Variants in BCL6B observed in about 807,000 individuals in gnomAD.
The protein encoded by BCL6B is B-cell CLL/lymphoma 6 member B protein.
A neutral mutation model predicts 44.6 loss-of-function variants in BCL6B; 28 were observed. The observed-to-expected ratio is 0.63, with a 90% CI of 0.47 to 0.86. BCL6B has a LOEUF of 0.86. Ranked by LOEUF, BCL6B falls within the 40% of genes least tolerant of loss-of-function variation. The probability of loss-of-function intolerance (pLI) is 0.00; values close to 1 mark genes in which losing one functional copy is unlikely to be tolerated. For synonymous variants in BCL6B, 268 were observed against 263.6 expected (o/e 1.02, Z -0.16); for missense variants, 626 against 652.3 (o/e 0.96, Z 0.44).
In BCL6B at chr17:7,024,318, G is replaced by T; in HGVS notation, c.401+14G>T. On this transcript the variant is annotated intron_variant, in intron 3 of 8. Transcript: ENST00000293805. The surrounding 1 kb of genome is among the most constrained non-coding windows in gnomAD (Gnocchi z 6.6). ...CATCCAGGCCAGGTGAGGGACCCTG[G>T]CTCGGCGTTCTCTGTGGGTGAGGTG... 1 of 1,613,696 alleles carries T rather than the reference G, an allele frequency of 6.2e-7. No homozygotes were observed. The highest frequency in any genetic ancestry group is 8.5e-7 in the Non-Finnish European group (1 of 1,180,002).
At position 7,027,837 on chromosome 17, in the gene BCL6B, A is replaced by T; in HGVS notation, c.*218A>T. Reference sequence around the variant, plus strand: ...TCAAAACCTCTTCCCCACAAGCCAGATTGTTTCTGAGGAGAGAGCTAGCTA... The same window carrying T: ...TCAAAACCTCTTCCCCACAAGCCAGTTTGTTTCTGAGGAGAGAGCTAGCTA... On this transcript the variant is annotated 3_prime_UTR_variant, in exon 9 of 9. Transcript: ENST00000293805. The T allele has an allele frequency of 1.4e-6, 2 of 1,408,266 alleles. No individual in the cohort carries two copies. The highest frequency in any genetic ancestry group is 9.2e-7 in the Non-Finnish European group (1 of 1,083,644). The allele number at this position is 1,408,266 out of a possible 1,614,324, so 87.2% of individuals were successfully genotyped here. A position where few individuals can be genotyped will look rare whatever the true frequency, so the allele number is the denominator to read the frequency against.
At chr17:7,026,166 C>T (rs1360313307) in intron 5 of BCL6B, among the ~76,000 whole-genome samples, 2 of 152,106 alleles carry the variant, frequency 1.3e-5, no homozygotes, top group African/African-American at 2.4e-5. Context: ...GTGATCCGAC[C>T]GCCTCGGCCT....
At position 7,027,048 on chromosome 17, in the gene BCL6B, G is replaced by A. The variant is rs1910316436; in HGVS notation, c.1284G>A (p.Lys428=). Residue 428 remains lysine (K), a synonymous_variant, in exon 8 of 9, where the codon AAG becomes AAA. Transcript: ENST00000293805. ...GCTTCCGCCACCTGCAGACCCTCAA[G>A]AGCCACGTTCGCATCCACACCGGAG... The part of the protein sequence containing the change: ...GTRFRHLQTL[K]SHVRIHTGEK... 6.2e-7 allele frequency: 1 copy of A among 1,613,970 alleles called. No individual in the cohort carries two copies. Among genetic ancestry groups the A allele is most frequent in the Non-Finnish European group, 8.5e-7 (1 of 1,179,998 alleles).
Position 7,028,952 on chromosome 17 carries a change from T to C in BCL6B, c.*1333T>C. On this transcript the variant is annotated 3_prime_UTR_variant, in exon 9 of 9. Transcript: ENST00000293805. ...TTCCTCTAGAAGGGATGGTGCTTGG[T>C]AACCTTACCTTTTAAAAGCTGGGTC... is the stretch of plus-strand genomic sequence containing the variant. The C allele has an allele frequency of 1.0e-6, 1 of 985,454 alleles. No homozygotes were observed. Among genetic ancestry groups the C allele is most frequent in the Non-Finnish European group, 1.2e-6 (1 of 829,934 alleles). 61.0% of individuals were successfully genotyped at this position (985,454 alleles called of 1,614,324 possible).
Position 7,024,453 on chromosome 17 carries a change from C to A in BCL6B, c.454C>A (p.Pro152Thr). 3.7e-6 allele frequency: 6 copies of A among 1,613,398 alleles called. No individual in the cohort carries two copies. Among genetic ancestry groups the A allele is most frequent in the Middle Eastern group, 1.7e-4 (1 of 6,058 alleles). ...LRPLEAEPPT[P>T]PTAPPPGSPR... ...CCCCCTGGAAGCAGAACCCCCAACA[C>A]CCCCAACGGCCCCTCCACCAGGTAG... Residue 152 changes from proline to threonine, a missense_variant, in exon 4 of 9, where the codon CCC becomes ACC. By Grantham distance (38) the Pro-to-Thr change is conservative (BLOSUM62 -1). Coordinates refer to ENST00000293805, the MANE Select transcript of BCL6B (RefSeq NM_181844.4). This position sits in a 1 kb window ranked among gnomAD's most constrained non-coding sequence, Gnocchi z 6.6.
chr17:7,027,126 A>G (rs1910319535), intron 8 of BCL6B, 39 bp downstream of exon 8: 4 of 1,610,220 alleles, frequency 2.5e-6, no homozygotes, highest in Middle Eastern at 1.7e-4. Flanking sequence ...CCTTAGAATT[A>G]CCTCTCCTTT....
intron 5 of BCL6B, among the ~76,000 whole-genome samples, chr17:7,026,017 G>A (rs184232531): frequency 6.6e-6 from 1 of 152,114 alleles, no homozygotes; most frequent in South Asian, 2.1e-4. Flanking sequence ...CACATCCCAG[G>A]TTCAAGCGAT....
At position 7,024,742 on chromosome 17, in the gene BCL6B, C is replaced by A; in HGVS notation, c.743C>A (p.Pro248His). 1 of 1,611,482 alleles carries A rather than the reference C, an allele frequency of 6.2e-7. No individual in the cohort carries two copies. The highest frequency in any genetic ancestry group is 8.5e-7 in the Non-Finnish European group (1 of 1,179,300). The change falls in exon 4 of 9, where the codon CCC becomes CAC. Residue 248 changes from proline (P) to histidine (H), a missense_variant. Physicochemically the swap from Pro to His is moderately conservative, Grantham distance 77 (BLOSUM62 -2). Coordinates refer to ENST00000293805, the MANE Select transcript of BCL6B (RefSeq NM_181844.4). The surrounding 1 kb of genome is among the most constrained non-coding windows in gnomAD (Gnocchi z 6.6). ...SSSSSSSEEGPIPGPQSRLSP... is the reference protein window; with the variant it reads ...SSSSSSSEEGHIPGPQSRLSP... ...AGCAGCAGCAGCAGTGAAGAAGGAC[C>A]CATTCCTGGTCCCCAGAGCAGGTAC...
Position 7,027,087 on chromosome 17 carries a change from C to T in BCL6B, c.1323C>T (p.His441=), listed in dbSNP as rs769111877. ...TCCACACCGGAGAGAAGCCTTACCA[C>T]GTGGGTACCCAACCTGGCCTGCCCA... The part of the protein sequence containing the change: ...VRIHTGEKPY[H]CDPCGLHFRH... Residue 441 remains histidine, a splice_region_variant and synonymous_variant, in exon 8 of 9, where the codon CAC becomes CAT. Transcript: ENST00000293805. 3.1e-6 allele frequency: 5 copies of T among 1,613,868 alleles called. No homozygotes were observed. Among genetic ancestry groups the T allele is most frequent in the South Asian group, 1.1e-5 (1 of 91,082 alleles).
In BCL6B at chr17:7,024,395, C is replaced by A; in HGVS notation, c.402-6C>A. 2 of 1,612,362 alleles carry A rather than the reference C, an allele frequency of 1.2e-6. No homozygotes were observed. The highest frequency in any genetic ancestry group is 1.7e-5 in the Admixed American group (1 of 59,930). ...ATGGCACTAACGTTCATCACACTTTCCCCAGCTATGAACCTCTGGGCATCT... is the reference window on the plus strand; with the variant it reads ...ATGGCACTAACGTTCATCACACTTTACCCAGCTATGAACCTCTGGGCATCT... On this transcript the variant is annotated splice_region_variant and splice_polypyrimidine_tract_variant and intron_variant, in intron 3 of 8. Transcript: ENST00000293805. The surrounding 1 kb of genome is among the most constrained non-coding windows in gnomAD (Gnocchi z 6.6).
chr17:7,026,561 C>T lies in BCL6B; in HGVS notation c.994C>T (p.Leu332=). 2.5e-6 allele frequency: 4 copies of T among 1,614,218 alleles called. No homozygotes were observed. Among genetic ancestry groups the T allele is most frequent in the Non-Finnish European group, 2.5e-6 (3 of 1,180,030 alleles). Residue 332 remains leucine, a synonymous_variant, in exon 6 of 9, where the codon CTG becomes TTG. Coordinates refer to ENST00000293805, the MANE Select transcript of BCL6B (RefSeq NM_181844.4). Reference sequence around the variant, plus strand: ...CGAAGACAAACCCTATAAGTGTCAGCTGTGCCGGTCTTCGTTCCGCTACAA... The same window carrying T: ...CGAAGACAAACCCTATAAGTGTCAGTTGTGCCGGTCTTCGTTCCGCTACAA... ...GDEDKPYKCQ[L]CRSSFRYKGN...
In BCL6B at chr17:7,024,706, G is replaced by GCAC. The variant is rs2151663337; in HGVS notation, c.709_710insCCA (p.Ser236_Ser237insThr). Reference sequence around the variant, plus strand: ...CCCAGTGGAGACGAGGCCTCCAGCAGCAGCAGCAGCAGCAGCAGCAGCAGT... The same window carrying GCAC: ...CCCAGTGGAGACGAGGCCTCCAGCAGCACCAGCAGCAGCAGCAGCAGCAGCAGT... On this transcript the variant is annotated inframe_insertion, in exon 4 of 9. Transcript: ENST00000293805. This position sits in a 1 kb window ranked among gnomAD's most constrained non-coding sequence, Gnocchi z 6.6. The GCAC allele has an allele frequency of 6.3e-7, 1 of 1,594,240 alleles. No homozygotes were observed. Among genetic ancestry groups the GCAC allele is most frequent in the East Asian group, 2.2e-5 (1 of 44,676 alleles).
At chr17:7,023,456 C>T (rs1910183681) in intron 1 of BCL6B, 2 of 571,374 alleles carry the variant, frequency 3.5e-6, no homozygotes, top group East Asian at 6.1e-5. Context: ...TGGCTCCAAG[C>T]GCTGTGGGAT....
rs751932175 is a variant in BCL6B, at chr17:7,024,299, G to C, written c.396G>C (p.Gln132His). Reference protein sequence around the residue: ...HVVQACHRFIQASYEPLGISL... With the variant: ...HVVQACHRFIHASYEPLGISL... ...TCCAGGCATGCCACCGCTTCATCCAGGCCAGGTGAGGGACCCTGGCTCGGC... is the reference window on the plus strand; with the variant it reads ...TCCAGGCATGCCACCGCTTCATCCACGCCAGGTGAGGGACCCTGGCTCGGC... The change falls in exon 3 of 9, where the codon CAG (glutamine) becomes CAC (histidine). Residue 132 changes from glutamine to histidine, a missense_variant. Coordinates refer to ENST00000293805, the MANE Select transcript of BCL6B (RefSeq NM_181844.4). The surrounding 1 kb of genome is among the most constrained non-coding windows in gnomAD (Gnocchi z 6.6). 3 of 1,613,758 alleles carry C rather than the reference G, an allele frequency of 1.9e-6. No homozygotes were observed. The highest frequency in any genetic ancestry group is 2.5e-6 in the Non-Finnish European group (3 of 1,180,022).
At position 7,023,992 on chromosome 17, in the gene BCL6B, CGG is replaced by C. The variant is rs1041441302; in HGVS notation, c.180-89_180-88del. 5 of 1,527,894 alleles carry C rather than the reference CGG, an allele frequency of 3.3e-6. No individual in the cohort carries two copies. The African/African-American group carries it at 6.9e-5, about 21-fold the overall frequency. The allele number at this position is 1,527,894 out of a possible 1,614,324, so 94.6% of individuals were successfully genotyped here. A position where few individuals can be genotyped will look rare whatever the true frequency, so the allele number is the denominator to read the frequency against. On this transcript the variant is annotated intron_variant, in intron 2 of 8. Coordinates refer to ENST00000293805, the MANE Select transcript of BCL6B (RefSeq NM_181844.4). Reference sequence around the variant, plus strand: ...TGGGGGCGGGGTGATAGTGAGGAGGCGGGACTTTTTCAGGGGGCGGGGCTTCC... The same window carrying C: ...TGGGGGCGGGGTGATAGTGAGGAGGCGACTTTTTCAGGGGGCGGGGCTTCC...
intron 5 of BCL6B, 114 bp from the exon 6 acceptor site, chr17:7,026,343 C>G (rs1255006204): frequency 3.6e-6 from 5 of 1,394,232 alleles, no homozygotes; most frequent in Non-Finnish European, 4.9e-6. Context: ...CCCCAGAAGT[C>G]TTAACAATAA....
chr17:7,023,939 A>G (rs1910200729), intron 2 of BCL6B, 89 bp downstream of exon 2: 5 of 1,549,676 alleles, frequency 3.2e-6, no homozygotes, highest in Middle Eastern at 2.2e-4. Flanking sequence ...CAAGTCTTTC[A>G]GAAGCAGGAG....
In BCL6B at chr17:7,023,836, T is replaced by A; in HGVS notation, c.165T>A (p.Val55=). ...AACCCCTCAGAGCACACAAGGCAGT[T>A]CTCATCGCCTGCAGGTTCGAGGGGT... ...GGQPLRAHKA[V]LIACSGFFYS... The change falls in exon 2 of 9, where the codon GTT becomes GTA. Residue 55 remains valine (V), a synonymous_variant. Coordinates refer to ENST00000293805, the MANE Select transcript of BCL6B (RefSeq NM_181844.4). The A allele has an allele frequency of 6.2e-7, 1 of 1,600,008 alleles. No homozygotes were observed. The highest frequency in any genetic ancestry group is 8.5e-7 in the Non-Finnish European group (1 of 1,173,114).
intron 1 of BCL6B, 99 bp from the exon 2 acceptor site, chr17:7,023,561 G>C: frequency 8.2e-7 from 1 of 1,220,396 alleles, no homozygotes; most frequent in Non-Finnish European, 1.1e-6. Context: ...GGGGCTGGAA[G>C]TCCTGGCTCT....
Sources: gnomAD v4.1 joint callset for allele counts (sites outside exome capture counted in the v4.1 genomes callset) on GRCh38, gnomAD v4.1.1 for gene constraint, Gnocchi (gnomAD v3.1) non-coding constraint, MANE v1.5 for transcripts, NCBI Gene and HGNC (gene_info 2026-07-23, HGNC 2026-07-21) for gene names.